The following TRIQK variants were observed in gnomAD, a reference collection of about 807,000 sequenced individuals.
TRIQK encodes triple QxxK/R motif-containing protein.
A neutral mutation model predicts 10.8 loss-of-function variants in TRIQK; 10 were observed. The ratio of observed to expected loss-of-function variants is 0.92; its 90% CI spans 0.57 to 1.57. The LOEUF is 1.57. Ranked by LOEUF, TRIQK falls within the 40% of genes most tolerant of loss-of-function variation. The pLI is 0.00. For missense variants in TRIQK, 107 were observed against 97.7 expected (o/e 1.09, Z -0.40); for synonymous variants, 33 against 33.7 (o/e 0.98, Z 0.07).
intron 3 of TRIQK, among the ~76,000 whole-genome samples, chr8:92,902,332 C>T (rs568567814): frequency 6.6e-6 from 1 of 152,246 alleles, no homozygotes; most frequent in African/African-American, 2.4e-5. Context: ...TAAGTTCTTC[C>T]CTGTGTGGCT....
At chr8:93,014,535 G>A (rs1036276522) in intron 1 of TRIQK, among the ~76,000 whole-genome samples, 3 of 151,996 alleles carry the variant, frequency 2.0e-5, no homozygotes, top group African/African-American at 4.8e-5. Flanking sequence ...ACTGGTTTTG[G>A]TTTTTTGGTT....
At chr8:93,007,840 G>A (rs1813289580) in intron 1 of TRIQK, among the ~76,000 whole-genome samples, 1 of 152,180 alleles carries the variant, frequency 6.6e-6, no homozygotes, top group Non-Finnish European at 1.5e-5. Flanking sequence ...AAATAAGACA[G>A]AGGAAGCTAA....
At chr8:92,935,800 A>C (rs1810958726) in intron 2 of TRIQK, among the ~76,000 whole-genome samples, 1 of 151,686 alleles carries the variant, frequency 6.6e-6, no homozygotes, top group Non-Finnish European at 1.5e-5. Flanking sequence ...AGAAGATTCT[A>C]TTAAAAATGC....
At chr8:92,991,978 C>T (rs910498917) in intron 1 of TRIQK, among the ~76,000 whole-genome samples, 1 of 152,166 alleles carries the variant, frequency 6.6e-6, no homozygotes, top group Non-Finnish European at 1.5e-5. Flanking sequence ...AAGAGAACTA[C>T]AAACCACTGC....
At chr8:92,897,762 G>C (rs926090253) in intron 3 of TRIQK, among the ~76,000 whole-genome samples, 1 of 151,982 alleles carries the variant, frequency 6.6e-6, no homozygotes. Flanking sequence ...TCTTAATTTT[G>C]CTGAGGAGCT....
intron 3 of TRIQK, among the ~76,000 whole-genome samples, chr8:92,916,318 T>C (rs1809839274): frequency 6.6e-6 from 1 of 152,184 alleles, no homozygotes; most frequent in Admixed American, 6.6e-5. Context: ...GTTATCTTCC[T>C]GTGCTAAGTG....
intron 2 of TRIQK, among the ~76,000 whole-genome samples, chr8:92,925,546 T>C (rs1236442441): frequency 1.3e-5 from 2 of 152,116 alleles, no homozygotes; most frequent in Non-Finnish European, 2.9e-5. Context: ...GTATACAACC[T>C]AATAATTTAA....
chr8:92,955,251 GCTTTA>G (rs139430786), intron 1 of TRIQK, among the ~76,000 whole-genome samples: 18,237 of 151,622 alleles, frequency 0.12, 1,114 homozygotes, highest in East Asian at 0.18. Flanking sequence ...GGGAACACAA[GCTTTA>G]CTTTACTAAT....
chr8:92,916,417 A>C (rs1038026218), intron 3 of TRIQK, among the ~76,000 whole-genome samples: 1 of 152,086 alleles, frequency 6.6e-6, no homozygotes, highest in Non-Finnish European at 1.5e-5. Flanking sequence ...ACAAATCCTT[A>C]TTTCCAGTCT....
rs546684013 is a variant in TRIQK at position 92,900,832 on chromosome 8, G to A, written c.62-8758C>T. Among the ~76,000 whole-genome samples the A allele has an allele frequency of 8.5e-5, 13 of 152,064 alleles. No individual in the cohort carries two copies. The South Asian group carries it at 2.7e-3, about 32-fold the overall frequency. On this transcript the variant is annotated intron_variant, in intron 3 of 4. Coordinates refer to ENST00000521988, the MANE Select transcript of TRIQK (RefSeq NM_001171797.2). Reference sequence around the variant, plus strand: ...TTGAATTTATAGTTTGCTCTGGGTAGGATAAACAATTTAGCAATATTGATT... The same window carrying A: ...TTGAATTTATAGTTTGCTCTGGGTAAGATAAACAATTTAGCAATATTGATT...
chr8:92,979,533 A>G (rs1232345029), intron 1 of TRIQK, among the ~76,000 whole-genome samples: 1 of 152,032 alleles, frequency 6.6e-6, no homozygotes, highest in Admixed American at 6.6e-5. Context: ...TGGTATATGG[A>G]TGGGTATTGC....
At chr8:92,916,843 A>G in intron 3 of TRIQK, 86 bp downstream of exon 3, 1 of 987,360 alleles carries the variant, frequency 1.0e-6, no homozygotes, top group Non-Finnish European at 1.4e-6. Flanking sequence ...TATCATATGT[A>G]TTAGAGAAAA....
At chr8:92,994,134 T>C (rs1813126531) in intron 1 of TRIQK, among the ~76,000 whole-genome samples, 1 of 152,224 alleles carries the variant, frequency 6.6e-6, no homozygotes, top group South Asian at 2.1e-4. Context: ...AAAATCTCCA[T>C]GAAAATTTAG....
At chr8:92,977,024 T>A (rs1319511751) in intron 1 of TRIQK, among the ~76,000 whole-genome samples, 1 of 152,032 alleles carries the variant, frequency 6.6e-6, no homozygotes, top group Non-Finnish European at 1.5e-5. Flanking sequence ...TAAAGAGATT[T>A]TTAAAATGTG....
intron 2 of TRIQK, among the ~76,000 whole-genome samples, chr8:92,940,604 C>T (rs993568521): frequency 6.6e-6 from 1 of 152,142 alleles, no homozygotes; most frequent in African/African-American, 2.4e-5. Context: ...ATGCACCCAA[C>T]ATTGGAGCAC....
chr8:92,952,319 C>T (rs1001092556), intron 2 of TRIQK, among the ~76,000 whole-genome samples: 3 of 151,830 alleles, frequency 2.0e-5, no homozygotes, highest in East Asian at 1.9e-4. Flanking sequence ...TGAAGAGTGC[C>T]TTTGATGAGC....
intron 2 of TRIQK, among the ~76,000 whole-genome samples, chr8:92,933,952 T>A (rs1436643456): frequency 2.0e-5 from 3 of 152,092 alleles, no homozygotes; most frequent in Non-Finnish European, 4.4e-5. Context: ...CAATTTCAAG[T>A]AATTAGGTTT....
chr8:92,985,341 T>C (rs891444037), intron 1 of TRIQK, among the ~76,000 whole-genome samples: 1 of 152,200 alleles, frequency 6.6e-6, no homozygotes, highest in African/African-American at 2.4e-5. Context: ...TCAGTGGCTA[T>C]GGAAACTTCT....
At chr8:92,938,099 A>G (rs1426853465) in intron 2 of TRIQK, among the ~76,000 whole-genome samples, 1 of 152,116 alleles carries the variant, frequency 6.6e-6, no homozygotes, top group East Asian at 1.9e-4. Context: ...TTTGTCTTTA[A>G]TTTTTGAAGA....
Sources: allele counts gnomAD v4.1 joint callset (sites outside exome capture counted in the v4.1 genomes callset), GRCh38; gene constraint gnomAD v4.1.1; transcripts MANE v1.5; gene names NCBI Gene and HGNC (gene_info 2026-07-23, HGNC 2026-07-21).